The following TGM4 variants were observed in gnomAD, a reference collection of about 807,000 sequenced individuals.
TGM4 encodes the protein transglutaminase 4.
Under a neutral mutation model 76.3 loss-of-function variants are expected in TGM4, and 61 were observed. The ratio of observed to expected loss-of-function variants is 0.80; its 90% confidence interval spans 0.65 to 0.99. The LOEUF (loss-of-function observed/expected upper bound fraction) is 0.99. Ranked by LOEUF, TGM4 falls within the 50% of genes least tolerant of loss-of-function variation. The probability of loss-of-function intolerance (pLI) is 0.00; values close to 1 mark genes in which losing one functional copy is unlikely to be tolerated. For missense variants in TGM4, 794 were observed against 843.2 expected, an observed-to-expected ratio of 0.94 and a Z score of 0.72; for synonymous variants, 337 against 329.8, an observed-to-expected ratio of 1.02 and a Z score of -0.24.
chr3:44,890,755 TG>T, intron 4 of TGM4, 23 bp downstream of exon 4: 1 of 1,612,696 alleles, frequency 6.2e-7, no homozygotes, highest in Non-Finnish European at 8.5e-7. Context: ...TCAGGTCTGC[TG>T]GGGAATGGCA....
intron 9 of TGM4, 128 bp downstream of exon 9, chr3:44,904,115 A>T: frequency 1.3e-6 from 1 of 751,884 alleles, no homozygotes; most frequent in African/African-American, 1.7e-5. Flanking sequence ...CAAAACAAAA[A>T]GCATGCTCAG....
Position 44,887,717 on chromosome 3 carries a change from C to T in TGM4, c.222C>T (p.Thr74=). 6.2e-7 allele frequency: 1 copy of T among 1,614,116 alleles called. No individual in the cohort carries two copies. ...CGAATCCTAGCATCGCCAAACACAC[C>T]CTGGTGGTGCTCGACCCGAGGACGC... ...TGPNPSIAKH[T]LVVLDPRTPS... The change falls in exon 3 of 14, where the codon ACC becomes ACT. Residue 74 remains threonine (T), a synonymous_variant. Coordinates refer to ENST00000296125, the MANE Select transcript of TGM4 (RefSeq NM_003241.4).
intron 2 of TGM4, 132 bp downstream of exon 2, chr3:44,885,630 G>A: frequency 1.1e-6 from 1 of 950,760 alleles, no homozygotes; most frequent in Non-Finnish European, 1.5e-6. Flanking sequence ...TTCTCCATCT[G>A]TAATGTGGGA....
In TGM4 at chr3:44,901,710, A is replaced by T. The variant is rs777690566; in HGVS notation, c.832+12A>T. 29 of 1,612,920 alleles carry T rather than the reference A, an allele frequency of 1.8e-5. No homozygotes were observed. The Admixed American group carries it at 2.0e-4, about 11-fold the overall frequency. ...GATCCTGACTACAGGTAAGTGGCAG[A>T]TCCAGGGGCTGAGGGGAGAGGTCCC... On this transcript the variant is annotated intron_variant, in intron 7 of 13. Coordinates refer to ENST00000296125, the MANE Select transcript of TGM4 (RefSeq NM_003241.4).
rs1361526443 is a variant in TGM4, at chr3:44,913,887, A to AG, written c.*164dup. 1.6e-5 allele frequency: 15 copies of AG among 935,224 alleles called. No homozygotes were observed. In the African/African-American group the frequency reaches 2.2e-4, roughly 14 times the overall value. The allele number at this position is 935,224 out of a possible 1,614,324, so 57.9% of individuals were successfully genotyped here. A position where few individuals can be genotyped will look rare whatever the true frequency, so the allele number is the denominator to read the frequency against. ...ACAACCATAAGCAGCCAGACCCACAAGGCCAGGTCCTGTGCTATCACAGGG... is the reference window on the plus strand; with the variant it reads ...ACAACCATAAGCAGCCAGACCCACAAGGGCCAGGTCCTGTGCTATCACAGGG... On this transcript the variant is annotated 3_prime_UTR_variant, in exon 14 of 14. Coordinates refer to ENST00000296125, the MANE Select transcript of TGM4 (RefSeq NM_003241.4).
In TGM4 at chr3:44,901,596, T is replaced by C. The variant is rs9818345; in HGVS notation, c.730T>C (p.Tyr244His). 0.011 allele frequency: 18,310 copies of C among 1,614,076 alleles called. 1,296 individuals carry two copies. In the African/African-American group the frequency reaches 0.18, roughly 16 times the overall value. The change falls in exon 7 of 14, where the codon TAC becomes CAC. Residue 244 changes from tyrosine (Y) to histidine (H), a missense_variant. Physicochemically the swap from Tyr to His is moderately conservative, Grantham distance 83. Transcript: ENST00000296125. ...TGDYEGGTAPYKWTGSAPILQ... is the reference protein window; with the variant it reads ...TGDYEGGTAPHKWTGSAPILQ... ...GGACTACGAAGGTGGCACAGCCCCA[T>C]ACAAGTGGACAGGCAGTGCCCCGAT...
chr3:44,905,304 G>T (rs374950503), intron 9 of TGM4, among the ~76,000 whole-genome samples: 64 of 131,938 alleles, frequency 4.9e-4, no homozygotes, highest in South Asian at 3.1e-3. Context: ...TTTTTTTTTT[G>T]AAAAAAGCAG....
At chr3:44,875,416 C>T (rs900716643) in intron 1 of TGM4, among the ~76,000 whole-genome samples, 3 of 152,180 alleles carry the variant, frequency 2.0e-5, no homozygotes, top group Admixed American at 6.5e-5. Flanking sequence ...GATGGATTTC[C>T]CTACTGCAGA....
intron 9 of TGM4, among the ~76,000 whole-genome samples, chr3:44,906,076 C>T (rs1265048597): frequency 2.5e-4 from 38 of 152,180 alleles, no homozygotes; most frequent in Non-Finnish European, 4.4e-5. Flanking sequence ...GGTGGGGATG[C>T]CCAGGTTCAG....
At chr3:44,898,024 G>A (rs188621011) in intron 6 of TGM4, among the ~76,000 whole-genome samples, 140 of 152,342 alleles carry the variant, frequency 9.2e-4, no homozygotes, top group African/African-American at 3.2e-3. Context: ...GCTCAGGCCT[G>A]TAATCCCAGC....
chr3:44,906,805 C>T (rs1487686496), intron 9 of TGM4, 144 bp from the exon 10 acceptor site: 2 of 1,000,534 alleles, frequency 2.0e-6, no homozygotes, highest in Non-Finnish European at 3.0e-6. Flanking sequence ...TTAAGGATGG[C>T]CTAGGAAATG....
intron 9 of TGM4, among the ~76,000 whole-genome samples, chr3:44,904,820 T>G (rs1485515457): frequency 6.6e-6 from 1 of 151,880 alleles, no homozygotes; most frequent in African/African-American, 2.4e-5. Context: ...TAGCTGGGAC[T>G]ACAGGTGCAC....
chr3:44,913,007 C>T (rs1348558547), intron 13 of TGM4, among the ~76,000 whole-genome samples: 1 of 152,206 alleles, frequency 6.6e-6, no homozygotes, highest in African/African-American at 2.4e-5. Context: ...TCTGAATCTT[C>T]CAAGTAAAAA....
intron 1 of TGM4, among the ~76,000 whole-genome samples, chr3:44,884,112 G>A (rs1162420970): frequency 1.3e-5 from 2 of 152,190 alleles, no homozygotes; most frequent in Admixed American, 6.5e-5. Context: ...CTCAGGGTGG[G>A]TCTGGCAGTC....
intron 6 of TGM4, among the ~76,000 whole-genome samples, chr3:44,900,503 A>T (rs1443773475): frequency 6.6e-6 from 1 of 152,196 alleles, no homozygotes; most frequent in Non-Finnish European, 1.5e-5. Context: ...AAACTCCCAA[A>T]CAGGATTCAG....
intron 9 of TGM4, among the ~76,000 whole-genome samples, chr3:44,906,660 G>A (rs896900779): frequency 2.0e-5 from 3 of 152,172 alleles, no homozygotes; most frequent in African/African-American, 7.2e-5. Context: ...GACCCAGATT[G>A]TGTGTCTCTG....
intron 8 of TGM4, among the ~76,000 whole-genome samples, chr3:44,903,351 T>C (rs574913131): frequency 9.4e-4 from 143 of 152,296 alleles, no homozygotes; most frequent in African/African-American, 3.2e-3. Flanking sequence ...AGATTTAATA[T>C]GAGAATTCAG....
intron 1 of TGM4, among the ~76,000 whole-genome samples, chr3:44,875,569 T>C (rs1699440447): frequency 6.6e-6 from 1 of 151,850 alleles, no homozygotes; most frequent in South Asian, 2.1e-4. Context: ...TCAGTTTTAC[T>C]TCAGGGAGTC....
Position 44,885,313 on chromosome 3 carries a change from C to A in TGM4, c.20-12C>A. The A allele has an allele frequency of 6.3e-7, 1 of 1,598,046 alleles. No individual in the cohort carries two copies. On this transcript the variant is annotated splice_polypyrimidine_tract_variant and intron_variant, in intron 1 of 13. Transcript: ENST00000296125. ...CTGTGCTCTCTTTCCACATGTGCTG[C>A]GTTGCTGACAGAGCTGCAAGTTCTC...
Sources: allele counts gnomAD v4.1 joint callset (sites outside exome capture counted in the v4.1 genomes callset), GRCh38; gene constraint gnomAD v4.1.1; transcripts MANE v1.5; gene names NCBI Gene and HGNC (gene_info 2026-07-23, HGNC 2026-07-21).